PIWIL4: variants seen among roughly 807,000 people sequenced by gnomAD.
PIWIL4 encodes piwi like RNA-mediated gene silencing 4, also known as piwi-like protein 4.
A neutral mutation model predicts 100.9 loss-of-function variants in PIWIL4; 50 were observed. That is an observed-to-expected ratio of 0.50 (90% CI 0.39 to 0.63). PIWIL4 has a LOEUF of 0.63. Among genes scored for constraint, PIWIL4 ranks in the 20% least tolerant of loss-of-function variants. The probability of loss-of-function intolerance (pLI) is 0.00; values close to 1 mark genes in which losing one functional copy is unlikely to be tolerated. For missense variants in PIWIL4, 887 were observed against 1,043.3 expected (o/e 0.85, Z 2.06); for synonymous variants, 342 against 367.5 (o/e 0.93, Z 0.79).
chr11:94,606,989 T>C (rs535864279), intron 13 of PIWIL4, among the ~76,000 whole-genome samples: 1 of 152,270 alleles, frequency 6.6e-6, no homozygotes, highest in East Asian at 1.9e-4. Context: ...TAGTTTAAGC[T>C]AATTCTCAAC....
rs1166764681 is a variant in PIWIL4 at position 94,589,115 on chromosome 11, T to G, written c.915-6T>G. On this transcript the variant is annotated splice_polypyrimidine_tract_variant and splice_region_variant and intron_variant, in intron 7 of 19. Transcript: ENST00000299001. ...AAACAATTTAAAGACTTTTTATATTTGGCAGATACAATAACAGAACCTACT... is the reference window on the plus strand; with the variant it reads ...AAACAATTTAAAGACTTTTTATATTGGGCAGATACAATAACAGAACCTACT... 2 of 1,585,294 alleles carry G rather than the reference T, an allele frequency of 1.3e-6. No homozygotes were observed. The highest frequency in any genetic ancestry group is 2.7e-5 in the African/African-American group (2 of 74,244).
At chr11:94,596,138 T>C (rs2135274310) in intron 10 of PIWIL4, among the ~76,000 whole-genome samples, 1 of 152,278 alleles carries the variant, frequency 6.6e-6, no homozygotes, top group Admixed American at 6.5e-5. Context: ...CACTTGTCAT[T>C]TTTTTACTTT....
chr11:94,586,694 T>C (rs1400179033), intron 6 of PIWIL4, among the ~76,000 whole-genome samples: 1 of 152,154 alleles, frequency 6.6e-6, no homozygotes, highest in East Asian at 1.9e-4. Flanking sequence ...ACGTTTCTGG[T>C]TGTCACAGCT....
intron 2 of PIWIL4, among the ~76,000 whole-genome samples, chr11:94,569,224 T>C (rs954260520): frequency 3.3e-5 from 5 of 152,164 alleles, no homozygotes; most frequent in African/African-American, 9.7e-5. Context: ...AGCAAAGATA[T>C]AAAATCAACT....
At chr11:94,612,954 C>T (rs1948803411) in intron 15 of PIWIL4, among the ~76,000 whole-genome samples, 1 of 151,990 alleles carries the variant, frequency 6.6e-6, no homozygotes, top group African/African-American at 2.4e-5. Flanking sequence ...TTTTAAAATA[C>T]TTTGATCTTT....
chr11:94,599,647 A>C (rs1457832372), intron 11 of PIWIL4, among the ~76,000 whole-genome samples: 1 of 152,162 alleles, frequency 6.6e-6, no homozygotes, highest in African/African-American at 2.4e-5. Flanking sequence ...CCTGGGGCTG[A>C]ATCCAGCCCA....
Position 94,620,838 on chromosome 11 carries a change from T to A in PIWIL4, c.2443-38T>A, listed in dbSNP as rs115094425. On this transcript the variant is annotated intron_variant, in intron 19 of 19. Coordinates refer to ENST00000299001, the MANE Select transcript of PIWIL4 (RefSeq NM_152431.3). ...GAAAAAATCTCTTTGAAGAACAAGG[T>A]AATCTCTTAATTATTATCAATACTT... 315 of 1,455,586 alleles carry A rather than the reference T, an allele frequency of 2.2e-4. No homozygotes were observed. The African/African-American group carries it at 4.0e-3, about 19-fold the overall frequency. The allele number at this position is 1,455,586 out of a possible 1,614,324, so 90.2% of individuals were successfully genotyped here. A position where few individuals can be genotyped will look rare whatever the true frequency, so the allele number is the denominator to read the frequency against.
At chr11:94,583,044 A>ATGTGTGTG (rs58072951) in intron 4 of PIWIL4, among the ~76,000 whole-genome samples, 85 of 133,888 alleles carry the variant, frequency 6.3e-4, no homozygotes, top group African/African-American at 1.2e-3. Context: ...ATATATATAT[A>ATGTGTGTG]TGTGTGTGTG....
At chr11:94,593,441 A>G in intron 8 of PIWIL4, 77 bp from the exon 9 acceptor site, 4 of 1,421,820 alleles carry the variant, frequency 2.8e-6, no homozygotes, top group Non-Finnish European at 3.9e-6. Context: ...TGTTAGGATC[A>G]CCTTGTTGAA....
Position 94,567,567 on chromosome 11 carries a change from A to C in PIWIL4, c.49A>C (p.Ser17Arg), listed in dbSNP as rs1323466041. ...VKARGIARSP[S>R]ATEVGRIQAS... is the part of the protein sequence containing the mutation. ...GGCCAGAGGCATCGCCCGCAGCCCCAGTGCCACAGAAGTGGGGCGCATCCA... is the reference window on the plus strand; with the variant it reads ...GGCCAGAGGCATCGCCCGCAGCCCCCGTGCCACAGAAGTGGGGCGCATCCA... The change falls in exon 1 of 20, where the codon AGT becomes CGT. Residue 17 changes from serine (S) to arginine (R), a missense_variant. By Grantham distance (110) the Ser-to-Arg change is moderately radical (BLOSUM62 -1). Coordinates refer to ENST00000299001, the MANE Select transcript of PIWIL4 (RefSeq NM_152431.3). 1.9e-6 allele frequency: 3 copies of C among 1,607,660 alleles called. No homozygotes were observed. Among genetic ancestry groups the C allele is most frequent in the Non-Finnish European group, 2.5e-6 (3 of 1,177,238 alleles).
intron 6 of PIWIL4, 28 bp downstream of exon 6, chr11:94,585,553 C>G (rs779133935): frequency 1.3e-6 from 2 of 1,508,998 alleles, no homozygotes; most frequent in Admixed American, 1.8e-5. Flanking sequence ...TTCTGTTACT[C>G]CGAAATTATT....
intron 2 of PIWIL4, among the ~76,000 whole-genome samples, chr11:94,573,389 A>G (rs1327822347): frequency 1.3e-5 from 2 of 152,184 alleles, no homozygotes; most frequent in African/African-American, 4.8e-5. Flanking sequence ...GAATGCTTCC[A>G]GTTTTTGCCC....
intron 5 of PIWIL4, among the ~76,000 whole-genome samples, chr11:94,584,460 A>G (rs1281280130): frequency 2.0e-5 from 3 of 152,192 alleles, no homozygotes; most frequent in Non-Finnish European, 4.4e-5. Flanking sequence ...CTTACTGCAT[A>G]TCAGCTCTTC....
chr11:94,575,093 C>T lies in PIWIL4; in HGVS notation c.261C>T (p.Thr87=), dbSNP rs1434778955. 6.2e-7 allele frequency: 1 copy of T among 1,613,578 alleles called. No homozygotes were observed. Among genetic ancestry groups the T allele is most frequent in the East Asian group, 2.2e-5 (1 of 44,836 alleles). ...ACTTTATGGATTTGAGTATCTGTAC[C>T]AGAGAAAAATTGGCACATGTGAGAA... ...KQDFMDLSIC[T]REKLAHVRNC... The change falls in exon 3 of 20, where the codon ACC becomes ACT. Residue 87 remains threonine, a synonymous_variant. Coordinates refer to ENST00000299001, the MANE Select transcript of PIWIL4 (RefSeq NM_152431.3).
intron 14 of PIWIL4, 77 bp downstream of exon 14, chr11:94,607,716 A>T: frequency 5.8e-6 from 8 of 1,385,202 alleles, no homozygotes; most frequent in Non-Finnish European, 7.9e-6. Context: ...ATGTTATCAC[A>T]TGATCCCAGA....
At chr11:94,606,520 G>A (rs961954142) in intron 13 of PIWIL4, among the ~76,000 whole-genome samples, 1 of 152,128 alleles carries the variant, frequency 6.6e-6, no homozygotes, top group Non-Finnish European at 1.5e-5. Flanking sequence ...CCTTCAGTGC[G>A]GAAAGCATCT....
intron 15 of PIWIL4, among the ~76,000 whole-genome samples, chr11:94,612,615 C>T (rs1948799674): frequency 6.6e-6 from 1 of 151,930 alleles, no homozygotes; most frequent in Non-Finnish European, 1.5e-5. Context: ...TAGATTGTTT[C>T]TTTATTCCTC....
chr11:94,585,663 A>G lies in PIWIL4; in HGVS notation c.716+138A>G, dbSNP rs531904819. 5.0e-6 allele frequency: 3 copies of G among 598,972 alleles called. No individual in the cohort carries two copies. In the East Asian group the frequency reaches 1.0e-4, roughly 20 times the overall value. 37.1% of individuals were successfully genotyped at this position (598,972 alleles called of 1,614,324 possible). A position where few individuals can be genotyped will look rare whatever the true frequency, so the allele number is the denominator to read the frequency against. On this transcript the variant is annotated intron_variant, in intron 6 of 19. Transcript: ENST00000299001. ...TGTAATGAATTTTTTATAATTTTCA[A>G]GTTTTTTTAATAAAATGGTTCATGT... is the stretch of plus-strand genomic sequence containing the variant.
In PIWIL4 at chr11:94,619,795, G is replaced by T. The variant is rs776746390; in HGVS notation, c.2204G>T (p.Cys735Phe). 1 of 1,614,142 alleles carries T rather than the reference G, an allele frequency of 6.2e-7. No individual in the cohort carries two copies. The highest frequency in any genetic ancestry group is 8.5e-7 in the Non-Finnish European group (1 of 1,180,018). ...RLSVIVVRKKCMPRFFTEMNR... is the reference protein window; with the variant it reads ...RLSVIVVRKKFMPRFFTEMNR... The stretch of plus-strand genomic sequence containing the variant: ...TCGGTGATTGTGGTCAGGAAGAAGT[G>T]CATGCCACGATTCTTTACCGAAATG... Residue 735 changes from cysteine to phenylalanine, a missense_variant, in exon 18 of 20, where the codon TGC becomes TTC. Transcript: ENST00000299001.
Sources: gnomAD v4.1 joint callset for allele counts (sites outside exome capture counted in the v4.1 genomes callset) on GRCh38, gnomAD v4.1.1 for gene constraint, MANE v1.5 for transcripts, NCBI Gene and HGNC (gene_info 2026-07-23, HGNC 2026-07-21) for gene names.